The following PCDHA8 variants were observed in gnomAD, a reference collection of about 807,000 sequenced individuals.
PCDHA8 encodes the protein protocadherin alpha-8.
PCDHA8 carries 53 observed loss-of-function variants against 61.8 expected under a neutral mutation model. That is an observed-to-expected ratio of 0.86 (90% confidence interval 0.69 to 1.08). The LOEUF (loss-of-function observed/expected upper bound fraction) is 1.08. Ranked by LOEUF, PCDHA8 falls within the 50% of genes least tolerant of loss-of-function variation. The pLI is 0.00. For synonymous variants in PCDHA8, 618 were observed against 556.6 expected (o/e 1.11, Z -1.55); for missense variants, 1,293 against 1,245.0 (o/e 1.04, Z -0.58).
intron 1 of PCDHA8, among the ~76,000 whole-genome samples, chr5:140,923,382 G>A (rs1554201427): frequency 6.6e-6 from 1 of 152,114 alleles, no homozygotes; most frequent in Non-Finnish European, 1.5e-5. Context: ...TTAAAAATTA[G>A]TTGGGCATGG....
chr5:140,921,030 G>C (rs1266143728), intron 1 of PCDHA8, among the ~76,000 whole-genome samples: 2 of 151,532 alleles, frequency 1.3e-5, no homozygotes, highest in Admixed American at 6.6e-5. Context: ...TCTAGACTGG[G>C]GTGCAGTGGG....
chr5:140,964,785 C>G (rs890090665), intron 1 of PCDHA8, among the ~76,000 whole-genome samples: 40 of 151,526 alleles, frequency 2.6e-4, no homozygotes, highest in African/African-American at 9.7e-4. Context: ...GAGGAAGAAG[C>G]CAGAGACCCA....
chr5:140,888,263 A>G (rs1251792046), intron 1 of PCDHA8, among the ~76,000 whole-genome samples: 1 of 152,136 alleles, frequency 6.6e-6, no homozygotes, highest in East Asian at 1.9e-4. Flanking sequence ...GTTCTTGATA[A>G]GAAACAGTTT....
intron 3 of PCDHA8, among the ~76,000 whole-genome samples, chr5:140,998,364 C>T (rs2097808386): frequency 6.6e-6 from 1 of 152,192 alleles, no homozygotes; most frequent in South Asian, 2.1e-4. Flanking sequence ...AACCACTGCA[C>T]ACACCGTCTC....
intron 1 of PCDHA8, chr5:140,969,383 C>G: frequency 6.3e-7 from 1 of 1,597,986 alleles, no homozygotes; most frequent in Non-Finnish European, 8.5e-7. Context: ...TGTTACACAT[C>G]CCCCAATATC....
At position 140,968,564 on chromosome 5, in the gene PCDHA8, G is replaced by A. The variant is rs565573880; in HGVS notation, c.2395-10385G>A. ...CGAGATGGTGCCTCGAACTGCCCCT[G>A]CTGGCTACCTGGTCACCAAAGTCAT... On this transcript the variant is annotated intron_variant, in intron 1 of 3. Coordinates refer to ENST00000531613, the MANE Select transcript of PCDHA8 (RefSeq NM_018911.3). 3.1e-6 allele frequency: 5 copies of A among 1,614,168 alleles called. No homozygotes were observed. The Admixed American group carries it at 8.3e-5, about 27-fold the overall frequency.
chr5:140,903,349 A>T (rs1191077377), intron 1 of PCDHA8, among the ~76,000 whole-genome samples: 1 of 152,240 alleles, frequency 6.6e-6, no homozygotes, highest in Non-Finnish European at 1.5e-5. Flanking sequence ...ATTTTAAAAA[A>T]CAAGTTTTTC....
intron 1 of PCDHA8, among the ~76,000 whole-genome samples, chr5:140,932,531 G>A (rs1379233805): frequency 4.6e-5 from 7 of 151,752 alleles, no homozygotes; most frequent in Non-Finnish European, 8.9e-5. Context: ...TGGCATTCAA[G>A]GTGCTTTATT....
intron 1 of PCDHA8, 139 bp from the exon 2 acceptor site, chr5:140,978,808 TAG>T: frequency 6.7e-7 from 1 of 1,496,146 alleles, no homozygotes; most frequent in Non-Finnish European, 8.9e-7. Flanking sequence ...GATATCATCA[TAG>T]AGTTACACAT....
At chr5:140,952,449 G>C (rs549255236) in intron 1 of PCDHA8, among the ~76,000 whole-genome samples, 1 of 152,242 alleles carries the variant, frequency 6.6e-6, no homozygotes. Context: ...AATACAGCCA[G>C]GCTCTTTGCT....
At chr5:140,977,730 T>C (rs1478978176) in intron 1 of PCDHA8, among the ~76,000 whole-genome samples, 1 of 152,226 alleles carries the variant, frequency 6.6e-6, no homozygotes, top group Non-Finnish European at 1.5e-5. Flanking sequence ...ATTTCTCTCC[T>C]GGGTGTTATG....
chr5:140,849,699 A>G, intron 1 of PCDHA8: 1 of 1,598,608 alleles, frequency 6.3e-7, no homozygotes, highest in Non-Finnish European at 8.6e-7. Flanking sequence ...GTCCACCTAC[A>G]AGAATTACTA....
intron 1 of PCDHA8, among the ~76,000 whole-genome samples, chr5:140,935,116 C>T (rs2090194943): frequency 6.6e-6 from 1 of 152,126 alleles, no homozygotes; most frequent in Non-Finnish European, 1.5e-5. Flanking sequence ...AGAGCTTTCA[C>T]TTATTTTTAG....
intron 1 of PCDHA8, chr5:140,875,435 A>G (rs1562696598): frequency 6.4e-7 from 1 of 1,563,788 alleles, no homozygotes; most frequent in East Asian, 2.3e-5. Context: ...GATCCCTTAA[A>G]ACTGATTGTC....
At chr5:140,870,483 C>A (rs782740203) in intron 1 of PCDHA8, 13 of 1,614,122 alleles carry the variant, frequency 8.1e-6, no homozygotes, top group East Asian at 2.2e-5. Context: ...CCGAGTACAC[C>A]GTGTTCGTGA....
At chr5:140,966,655 G>C in intron 1 of PCDHA8, 1 of 1,195,250 alleles carries the variant, frequency 8.4e-7, no homozygotes, top group South Asian at 2.0e-5. Context: ...CGTGAGCGGT[G>C]GGGGAGCAGG....
In PCDHA8 at chr5:140,841,298, T is replaced by C. The variant is rs1554138068; in HGVS notation, c.-24T>C. On this transcript the variant is annotated 5_prime_UTR_variant, in exon 1 of 4. Coordinates refer to ENST00000531613, the MANE Select transcript of PCDHA8 (RefSeq NM_018911.3). ...TCATCTTTATATTAAGATAATATTT[T>C]CTGATAGGAAACGACTATTTAACAT... The C allele has an allele frequency of 6.4e-7, 1 of 1,567,044 alleles. No individual in the cohort carries two copies. Among genetic ancestry groups the C allele is most frequent in the Admixed American group, 2.0e-5 (1 of 50,800 alleles).
intron 1 of PCDHA8, among the ~76,000 whole-genome samples, chr5:140,880,215 G>A (rs944497497): frequency 3.3e-5 from 5 of 152,162 alleles, no homozygotes; most frequent in Non-Finnish European, 5.9e-5. Context: ...TCCACCAGAA[G>A]TAGAACATTT....
intron 1 of PCDHA8, chr5:140,882,507 A>G: frequency 6.2e-7 from 1 of 1,614,182 alleles, no homozygotes; most frequent in Non-Finnish European, 8.5e-7. Flanking sequence ...GTAAATCTGC[A>G]GAATGGCATT....
Sources: allele counts gnomAD v4.1 joint callset (sites outside exome capture counted in the v4.1 genomes callset), GRCh38; gene constraint gnomAD v4.1.1; transcripts MANE v1.5; gene names NCBI Gene and HGNC (gene_info 2026-07-23, HGNC 2026-07-21).